Variants in XPR1 observed in about 807,000 individuals in gnomAD.
XPR1 encodes xenotropic and polytropic retrovirus receptor 1, also known as solute carrier family 53 member 1.
In XPR1, 28 loss-of-function variants were observed where a neutral mutation model predicts 87.5. The ratio of observed to expected loss-of-function variants is 0.32; its 90% CI spans 0.24 to 0.44. The LOEUF is 0.44. XPR1 is among the 20% of genes least tolerant of loss of function. XPR1 has a pLI of 1.00. For missense variants in XPR1, 559 were observed against 862.3 expected, an observed-to-expected ratio of 0.65 and a Z score of 4.41; for synonymous variants, 300 against 306.1, an observed-to-expected ratio of 0.98 and a Z score of 0.21.
chr1:180,805,117 G>A (rs11807424), intron 4 of XPR1, among the ~76,000 whole-genome samples: 3,124 of 152,236 alleles, frequency 0.021, 42 homozygotes, highest in African/African-American at 0.024. Context: ...TGAGAATGAA[G>A]GAGAAAGGAA....
At chr1:180,864,397 T>C (rs1652318907) in intron 12 of XPR1, among the ~76,000 whole-genome samples, 1 of 152,208 alleles carries the variant, frequency 6.6e-6, no homozygotes, top group Non-Finnish European at 1.5e-5. Context: ...CACTGTATTA[T>C]AATAATGTGC....
chr1:180,788,257 C>T lies in XPR1; in HGVS notation c.223+403C>T, dbSNP rs566295137. ...AACACTTATACTTATTTCTCTAAAGCACTGGCCTCCAGAGTGGCATCTACA... is the reference window on the plus strand; with the variant it reads ...AACACTTATACTTATTTCTCTAAAGTACTGGCCTCCAGAGTGGCATCTACA... On this transcript the variant is annotated intron_variant, in intron 3 of 14. Transcript: ENST00000367590. 3.9e-5 allele frequency among the ~76,000 whole-genome samples: 6 copies of T among 152,282 alleles called. No individual in the cohort carries two copies. In the South Asian group the frequency reaches 1.2e-3, roughly 32 times the overall value.
intron 2 of XPR1, among the ~76,000 whole-genome samples, chr1:180,783,131 G>A (rs895298619): frequency 5.3e-5 from 8 of 151,942 alleles, no homozygotes; most frequent in African/African-American, 1.9e-4. Flanking sequence ...TCTATTTCCT[G>A]TGGTCCCAGC....
At position 180,889,630 on chromosome 1, in the gene XPR1, C is replaced by T. The variant is rs1653122965; in HGVS notation, c.*5564C>T. The T allele has an allele frequency of 6.6e-6, 1 of 152,210 alleles. No homozygotes were observed. Among genetic ancestry groups the T allele is most frequent in the South Asian group, 2.1e-4 (1 of 4,828 alleles). The allele number at this position is 152,210 out of a possible 1,614,324, so 9.4% of individuals were successfully genotyped here. ...GAATTGTAAAATTGTGAGCCACTCA[C>T]ATTTCAATTACAAAAAGAACAGAAC... On this transcript the variant is annotated 3_prime_UTR_variant, in exon 15 of 15. Transcript: ENST00000367590.
intron 11 of XPR1, among the ~76,000 whole-genome samples, chr1:180,847,678 G>A (rs1651730608): frequency 6.6e-6 from 1 of 152,092 alleles, no homozygotes; most frequent in African/African-American, 2.4e-5. Context: ...TATTAGGGAA[G>A]GGATTTTCAT....
intron 2 of XPR1, among the ~76,000 whole-genome samples, chr1:180,727,622 T>C (rs12131056): frequency 0.48 from 72,671 of 151,908 alleles, 17,883 homozygotes; most frequent in African/African-American, 0.5. Context: ...GCAGCCTGGG[T>C]GGCAAGAGTG....
intron 2 of XPR1, among the ~76,000 whole-genome samples, chr1:180,712,834 A>T (rs1419908068): frequency 6.6e-6 from 1 of 152,146 alleles, no homozygotes; most frequent in East Asian, 1.9e-4. Flanking sequence ...AAATAAAAAT[A>T]AAAAAATAAA....
At chr1:180,633,228 C>T (rs1008808113) in intron 1 of XPR1, among the ~76,000 whole-genome samples, 3 of 152,102 alleles carry the variant, frequency 2.0e-5, no homozygotes, top group African/African-American at 7.2e-5. Flanking sequence ...TTTATATGTT[C>T]AGAAGACAAG....
chr1:180,773,172 G>T (rs1339768), intron 2 of XPR1, among the ~76,000 whole-genome samples: 111,882 of 152,006 alleles, frequency 0.74, 41,644 homozygotes, highest in African/African-American at 0.8. Context: ...TAAGAGGGTG[G>T]CAGATGACTA....
At chr1:180,795,257 A>G (rs570117248) in intron 3 of XPR1, among the ~76,000 whole-genome samples, 1 of 152,228 alleles carries the variant, frequency 6.6e-6, no homozygotes, top group Non-Finnish European at 1.5e-5. Context: ...TTTTTCTAAA[A>G]GTAAAAGAAC....
intron 2 of XPR1, among the ~76,000 whole-genome samples, chr1:180,756,278 G>A (rs1647736987): frequency 6.6e-6 from 1 of 152,212 alleles, no homozygotes. Flanking sequence ...GATTGAAGCT[G>A]TGTTTCAGAT....
chr1:180,835,319 T>C (rs1651241774), intron 10 of XPR1, among the ~76,000 whole-genome samples: 1 of 152,372 alleles, frequency 6.6e-6, no homozygotes, highest in Non-Finnish European at 1.5e-5. Context: ...TTGGTAGTTA[T>C]ATTGCAAGTG....
At chr1:180,672,019 A>T (rs1656198310) in intron 1 of XPR1, among the ~76,000 whole-genome samples, 1 of 152,220 alleles carries the variant, frequency 6.6e-6, no homozygotes, top group Non-Finnish European at 1.5e-5. Flanking sequence ...AATTTTGAAC[A>T]TTCTGAGTTT....
chr1:180,636,704 G>A (rs930703238), intron 1 of XPR1, among the ~76,000 whole-genome samples: 7 of 152,120 alleles, frequency 4.6e-5, no homozygotes, highest in Non-Finnish European at 7.3e-5. Context: ...TTGAGTTGTA[G>A]GCCCCAAAGG....
At chr1:180,779,609 G>C (rs1462597639) in intron 2 of XPR1, among the ~76,000 whole-genome samples, 1 of 151,818 alleles carries the variant, frequency 6.6e-6, no homozygotes, top group East Asian at 1.9e-4. Flanking sequence ...ACAAAAATTG[G>C]GTGTGGTGGT....
chr1:180,745,431 A>G (rs1387831762), intron 2 of XPR1, among the ~76,000 whole-genome samples: 3 of 152,200 alleles, frequency 2.0e-5, no homozygotes, highest in East Asian at 1.9e-4. Context: ...TAGGGGGTCA[A>G]TTTCACTCTC....
chr1:180,779,562 C>T (rs574861810), intron 2 of XPR1, among the ~76,000 whole-genome samples: 5 of 152,038 alleles, frequency 3.3e-5, no homozygotes, highest in Admixed American at 3.3e-4. Flanking sequence ...AGAGACCAGC[C>T]TGGCCAACAT....
chr1:180,874,878 G>A (rs1243200743), intron 13 of XPR1, among the ~76,000 whole-genome samples: 1 of 152,130 alleles, frequency 6.6e-6, no homozygotes, highest in Non-Finnish European at 1.5e-5. Context: ...CTAATAAAAT[G>A]CCTTAAAATT....
At chr1:180,846,661 C>T (rs1452113020) in intron 11 of XPR1, among the ~76,000 whole-genome samples, 1 of 151,946 alleles carries the variant, frequency 6.6e-6, no homozygotes, top group East Asian at 1.9e-4. Context: ...ATGCTGGTCT[C>T]AAACTCCTGA....
Sources: allele counts gnomAD v4.1 joint callset (sites outside exome capture counted in the v4.1 genomes callset), GRCh38; gene constraint gnomAD v4.1.1; transcripts MANE v1.5; gene names NCBI Gene and HGNC (gene_info 2026-07-23, HGNC 2026-07-21).